Variants in TPRG1 observed in about 807,000 individuals in gnomAD.
TPRG1 encodes the protein tumor protein p63 regulated 1.
A neutral mutation model predicts 29.3 loss-of-function variants in TPRG1; 29 were observed. The ratio of observed to expected loss-of-function variants is 0.99; its 90% CI spans 0.74 to 1.35. The LOEUF (loss-of-function observed/expected upper bound fraction) is 1.35. TPRG1 is among the 40% of genes most tolerant of loss of function. The pLI, the probability that TPRG1 is intolerant of heterozygous loss-of-function variation, is 0.00. For missense variants in TPRG1, 327 were observed against 335.0 expected, an observed-to-expected ratio of 0.98 and a Z score of 0.19; for synonymous variants, 130 against 116.8, an observed-to-expected ratio of 1.11 and a Z score of -0.73.
At chr3:189,316,744 C>T (rs1220021612) in intron 5 of TPRG1, among the ~76,000 whole-genome samples, 2 of 152,186 alleles carry the variant, frequency 1.3e-5, no homozygotes, top group Non-Finnish European at 2.9e-5. Flanking sequence ...AAACCTGACC[C>T]TCTGTATTTG....
chr3:189,280,111 T>A (rs1018567113), intron 4 of TPRG1, among the ~76,000 whole-genome samples: 1 of 152,164 alleles, frequency 6.6e-6, no homozygotes, highest in Admixed American at 6.5e-5. Flanking sequence ...CAGGGACTTA[T>A]CTGTTAACAT....
intron 4 of TPRG1, among the ~76,000 whole-genome samples, chr3:189,057,500 CTTT>C (rs67560129): frequency 7.4e-6 from 1 of 134,262 alleles, no homozygotes; most frequent in Non-Finnish European, 1.6e-5. Flanking sequence ...GCCCTGATTG[CTTT>C]TTTTTTTTTT....
chr3:189,234,285 G>A (rs1739112049), intron 3 of TPRG1, among the ~76,000 whole-genome samples: 1 of 152,144 alleles, frequency 6.6e-6, no homozygotes, highest in Non-Finnish European at 1.5e-5. Context: ...CTATGGATGG[G>A]TAATTTATTT....
chr3:189,114,963 TA>T lies in TPRG1; in HGVS notation c.-743-12093del, dbSNP rs545403399. On this transcript the variant is annotated intron_variant, in intron 1 of 6. Coordinates refer to the TPRG1 transcript ENST00000412373. ...AACTCTACTCCTACTGTATCTCTTT[TA>T]GAATATAAAGTAGGAATTTCTGTTT... 1.2e-4 allele frequency among the ~76,000 whole-genome samples: 18 copies of T among 152,316 alleles called. No homozygotes were observed. The East Asian group carries it at 3.5e-3, about 29-fold the overall frequency.
intron 5 of TPRG1, among the ~76,000 whole-genome samples, chr3:189,312,156 T>C (rs979453423): frequency 7.6e-4 from 47 of 61,524 alleles, no homozygotes; most frequent in African/African-American, 3.1e-3. Flanking sequence ...TTTCTTTCTT[T>C]CTTTCTTTCT....
At chr3:189,298,504 G>A (rs1720311465) in intron 4 of TPRG1, among the ~76,000 whole-genome samples, 1 of 152,168 alleles carries the variant, frequency 6.6e-6, no homozygotes, top group Non-Finnish European at 1.5e-5. Context: ...GCTGAGATTT[G>A]AACTCAGATC....
intron 3 of TPRG1, among the ~76,000 whole-genome samples, chr3:189,014,984 T>C (rs961412984): frequency 6.6e-6 from 1 of 152,066 alleles, no homozygotes; most frequent in Non-Finnish European, 1.5e-5. Flanking sequence ...GGTTAGCAAG[T>C]AGAGGTTGGA....
chr3:189,260,785 T>A (rs77822583), intron 4 of TPRG1, among the ~76,000 whole-genome samples: 1,938 of 152,304 alleles, frequency 0.013, 45 homozygotes, highest in African/African-American at 0.045. Context: ...GCAACTACCA[T>A]CTGCCTCCTG....
chr3:189,021,870 A>C (rs1027302157), intron 3 of TPRG1, among the ~76,000 whole-genome samples: 6 of 152,160 alleles, frequency 3.9e-5, no homozygotes, highest in Non-Finnish European at 7.3e-5. Flanking sequence ...CAGGTACACC[A>C]ATGAGACGTA....
chr3:189,092,494 G>A (rs1362486398), intron 4 of TPRG1, among the ~76,000 whole-genome samples: 1 of 149,044 alleles, frequency 6.7e-6, no homozygotes, highest in Non-Finnish European at 1.5e-5. Context: ...TTGAGATAGC[G>A]ATACTTGTAT....
chr3:189,137,332 G>GTGTA (rs1723883484), intron 3 of TPRG1, among the ~76,000 whole-genome samples: 1 of 151,366 alleles, frequency 6.6e-6, no homozygotes, highest in African/African-American at 2.4e-5. Flanking sequence ...GTGTGTGTGT[G>GTGTA]TGTGTGTGTG....
At chr3:189,159,386 C>T (rs948377337) in intron 5 of TPRG1, among the ~76,000 whole-genome samples, 8 of 151,860 alleles carry the variant, frequency 5.3e-5, no homozygotes, top group Admixed American at 3.3e-4. Flanking sequence ...AGATAGGCAA[C>T]GGCAAAGATG....
At chr3:189,208,647 C>A (rs548605987) in intron 2 of TPRG1, among the ~76,000 whole-genome samples, 1 of 151,982 alleles carries the variant, frequency 6.6e-6, no homozygotes, top group Non-Finnish European at 1.5e-5. Context: ...TTAGTAGGTG[C>A]GATACTATAT....
chr3:189,013,448 CA>C (rs1218128820), intron 3 of TPRG1, among the ~76,000 whole-genome samples: 1 of 151,972 alleles, frequency 6.6e-6, no homozygotes, highest in Non-Finnish European at 1.5e-5. Flanking sequence ...ATTATGTGAT[CA>C]TTTTTTTGAG....
At chr3:189,310,735 T>G (rs982744382) in intron 5 of TPRG1, among the ~76,000 whole-genome samples, 196 bp downstream of exon 5, 2 of 152,128 alleles carry the variant, frequency 1.3e-5, no homozygotes, top group African/African-American at 4.8e-5. Context: ...GTCAAACTGT[T>G]TTTATATGTA....
chr3:189,205,247 C>A (rs879109984), intron 1 of TPRG1, among the ~76,000 whole-genome samples: 1 of 152,170 alleles, frequency 6.6e-6, no homozygotes, highest in African/African-American at 2.4e-5. Context: ...CTGGAAAGAT[C>A]GGATAAGAAA....
chr3:189,110,284 T>C (rs1416273734), intron 1 of TPRG1, among the ~76,000 whole-genome samples: 2 of 152,224 alleles, frequency 1.3e-5, no homozygotes, highest in Admixed American at 1.3e-4. Flanking sequence ...AATAAATTCG[T>C]TATGTTAAGT....
At chr3:189,084,614 A>T (rs575543119) in intron 4 of TPRG1, among the ~76,000 whole-genome samples, 1 of 152,352 alleles carries the variant, frequency 6.6e-6, no homozygotes, top group East Asian at 1.9e-4. Context: ...ATCAGAATCT[A>T]GAGAAAGCTA....
chr3:189,019,883 G>A (rs1713195956), intron 3 of TPRG1, among the ~76,000 whole-genome samples: 2 of 150,816 alleles, frequency 1.3e-5, no homozygotes, highest in Non-Finnish European at 3.0e-5. Flanking sequence ...TGGTTGGTAA[G>A]CTATTGATTA....
Sources: allele counts gnomAD v4.1 joint callset (sites outside exome capture counted in the v4.1 genomes callset), GRCh38; gene constraint gnomAD v4.1.1; transcripts MANE v1.5; gene names NCBI Gene and HGNC (gene_info 2026-07-23, HGNC 2026-07-21).